Variants in EDEM3 observed in about 807,000 individuals in gnomAD.
EDEM3 encodes ER degradation-enhancing alpha-mannosidase-like protein 3.
Under a neutral mutation model 110.2 loss-of-function variants are expected in EDEM3, and 60 were observed. That is an observed-to-expected ratio of 0.54 (90% CI 0.44 to 0.67). The LOEUF (loss-of-function observed/expected upper bound fraction) is 0.67, where lower values mean the gene tolerates loss of function less well. Ranked by LOEUF, EDEM3 falls within the 30% of genes least tolerant of loss-of-function variation. The pLI, the probability that EDEM3 is intolerant of heterozygous loss-of-function variation, is 0.00. For synonymous variants in EDEM3, 352 were observed against 382.9 expected (o/e 0.92, Z 0.94); for missense variants, 996 against 1,121.0 (o/e 0.89, Z 1.59).
chr1:184,721,721 A>G (rs986733911), intron 8 of EDEM3, among the ~76,000 whole-genome samples: 1 of 151,996 alleles, frequency 6.6e-6, no homozygotes, highest in Admixed American at 6.5e-5. Flanking sequence ...AAAGGAAAAA[A>G]GAACCAAAGT....
chr1:184,714,899 C>T (rs1424725747), intron 13 of EDEM3, among the ~76,000 whole-genome samples: 2 of 152,180 alleles, frequency 1.3e-5, no homozygotes, highest in Non-Finnish European at 2.9e-5. Flanking sequence ...ATCACAAGCT[C>T]ACTGTGAGCT....
intron 2 of EDEM3, 78 bp from the exon 3 acceptor site, chr1:184,737,789 A>G: frequency 7.9e-7 from 1 of 1,258,166 alleles, no homozygotes; most frequent in Non-Finnish European, 1.1e-6. Context: ...ACTTTTTCAC[A>G]GTTAAAAAAT....
At chr1:184,701,635 G>T in intron 19 of EDEM3, 1 of 859,458 alleles carries the variant, frequency 1.2e-6, no homozygotes, top group Non-Finnish European at 1.6e-6. Context: ...TGTTAGATGT[G>T]CCTAAATGCA....
At chr1:184,694,545 G>A in intron 19 of EDEM3, 73 bp from the exon 20 acceptor site, 1 of 1,388,684 alleles carries the variant, frequency 7.2e-7, no homozygotes, top group Non-Finnish European at 9.5e-7. Context: ...AAAGCATATT[G>A]GTTTTTGCAA....
chr1:184,745,704 T>C (rs977129724), intron 2 of EDEM3, among the ~76,000 whole-genome samples: 44 of 152,282 alleles, frequency 2.9e-4, no homozygotes, highest in African/African-American at 1.1e-3. Flanking sequence ...ACTATTCTAC[T>C]GTTGCTTTCA....
At chr1:184,730,336 C>T (rs1651438403) in intron 6 of EDEM3, among the ~76,000 whole-genome samples, 1 of 152,064 alleles carries the variant, frequency 6.6e-6, no homozygotes, top group African/African-American at 2.4e-5. Context: ...GAGTCCAGTA[C>T]TTCAGAAGGC....
intron 6 of EDEM3, among the ~76,000 whole-genome samples, chr1:184,732,174 C>T (rs1651562420): frequency 6.7e-6 from 1 of 150,252 alleles, no homozygotes; most frequent in Non-Finnish European, 1.5e-5. Flanking sequence ...AGACTCCATT[C>T]CCCCCCACCA....
At chr1:184,745,932 A>G (rs1038991934) in intron 2 of EDEM3, among the ~76,000 whole-genome samples, 1 of 152,232 alleles carries the variant, frequency 6.6e-6, no homozygotes, top group African/African-American at 2.4e-5. Context: ...TTTGTCATCT[A>G]AATTAATCTG....
At chr1:184,724,931 C>T (rs921323659) in intron 7 of EDEM3, among the ~76,000 whole-genome samples, 4 of 152,094 alleles carry the variant, frequency 2.6e-5, no homozygotes, top group African/African-American at 9.7e-5. Flanking sequence ...GGACAAGAAC[C>T]AGGTATTTTA....
At chr1:184,742,671 G>A (rs1652208946) in intron 2 of EDEM3, among the ~76,000 whole-genome samples, 2 of 152,300 alleles carry the variant, frequency 1.3e-5, no homozygotes, top group South Asian at 4.1e-4. Context: ...TTACAGGCGT[G>A]AGCCACCATG....
chr1:184,700,033 T>A (rs1056614375), intron 19 of EDEM3, among the ~76,000 whole-genome samples: 1 of 151,974 alleles, frequency 6.6e-6, no homozygotes, highest in Non-Finnish European at 1.5e-5. Flanking sequence ...CACTGAGAGA[T>A]ATGATATTGA....
In EDEM3 at chr1:184,749,644, T is replaced by C. The variant is rs763585937; in HGVS notation, c.159-52A>G. On this transcript the variant is annotated intron_variant, in intron 1 of 19. Transcript: ENST00000318130. Reference sequence around the variant, plus strand: ...AAAAAAAAAAAAAAAGGTAAGTATATTCTATTTATTATCTTTCAAAAAGTT... The same window carrying C: ...AAAAAAAAAAAAAAAGGTAAGTATACTCTATTTATTATCTTTCAAAAAGTT... 17 of 1,342,026 alleles carry C rather than the reference T, an allele frequency of 1.3e-5. No individual in the cohort carries two copies. The South Asian group carries it at 1.3e-4, about 10-fold the overall frequency. 83.1% of individuals were successfully genotyped at this position (1,342,026 alleles called of 1,614,324 possible).
At chr1:184,713,780 T>C (rs1489532136) in intron 13 of EDEM3, among the ~76,000 whole-genome samples, 1 of 152,210 alleles carries the variant, frequency 6.6e-6, no homozygotes, top group Non-Finnish European at 1.5e-5. Context: ...GGGGATATTA[T>C]ATAAGGACTA....
chr1:184,733,885 T>C (rs1651675542), intron 5 of EDEM3, among the ~76,000 whole-genome samples: 1 of 151,470 alleles, frequency 6.6e-6, no homozygotes, highest in Non-Finnish European at 1.5e-5. Flanking sequence ...GGTAATCTTA[T>C]ACATTCAGTT....
rs750985755 is a variant in EDEM3, at chr1:184,726,348, T to A, written c.654A>T (p.Thr218=). The part of the protein sequence containing the change: ...KFGIRKPEAR[T]GTETDTCTAC... ...CTGTACAGGTATCTGTCTCAGTTCC[T>A]GTCCGAGCTTCTGGTTTTCTGATGC... is the stretch of plus-strand genomic sequence containing the variant. The change falls in exon 7 of 20, where the codon ACA becomes ACT. Residue 218 remains threonine (T), a synonymous_variant. Coordinates refer to ENST00000318130, the MANE Select transcript of EDEM3 (RefSeq NM_025191.4). 1 of 1,613,842 alleles carries A rather than the reference T, an allele frequency of 6.2e-7. No individual in the cohort carries two copies. Among genetic ancestry groups the A allele is most frequent in the Non-Finnish European group, 8.5e-7 (1 of 1,179,842 alleles).
chr1:184,697,881 G>A (rs1649408365), intron 19 of EDEM3, among the ~76,000 whole-genome samples: 1 of 151,402 alleles, frequency 6.6e-6, no homozygotes, highest in Non-Finnish European at 1.5e-5. Flanking sequence ...GACATGTTGG[G>A]AAAATTGTGT....
chr1:184,754,833 G>T lies in EDEM3; in HGVS notation c.-187C>A, dbSNP rs1403280379. The stretch of plus-strand genomic sequence containing the variant: ...GGTCCCCAGCGCCAGCGCTGCCACC[G>T]CCCTCCGCCCTCAGTATCCCGGAGC... On this transcript the variant is annotated 5_prime_UTR_variant, in exon 1 of 20. Transcript: ENST00000318130. 10 of 928,590 alleles carry T rather than the reference G, an allele frequency of 1.1e-5. No individual in the cohort carries two copies. Among genetic ancestry groups the T allele is most frequent in the Non-Finnish European group, 1.5e-5 (10 of 659,570 alleles). The allele number at this position is 928,590 out of a possible 1,614,324, so 57.5% of individuals were successfully genotyped here.
In EDEM3 at chr1:184,694,151, C is replaced by G. The variant is rs1571337655; in HGVS notation, c.2711G>C (p.Gly904Ala). 6.2e-7 allele frequency: 1 copy of G among 1,613,274 alleles called. No individual in the cohort carries two copies. Among genetic ancestry groups the G allele is most frequent in the Non-Finnish European group, 8.5e-7 (1 of 1,179,620 alleles). Residue 904 changes from glycine to alanine, a missense_variant, in exon 20 of 20, where the codon GGT becomes GCT. Coordinates refer to ENST00000318130, the MANE Select transcript of EDEM3 (RefSeq NM_025191.4). ...GGAGTCTATAGGCTGGACCTTTTTA[C>G]CCCAGCTAACATTAGGATTGGAATC... The part of the protein sequence containing the change: ...EEDSNPNVSW[G>A]KKVQPIDSIL...
intron 6 of EDEM3, among the ~76,000 whole-genome samples, chr1:184,727,739 T>C (rs1451286491): frequency 6.6e-6 from 1 of 152,204 alleles, no homozygotes; most frequent in Non-Finnish European, 1.5e-5. Context: ...CATTTTCATG[T>C]GCTATTAGTC....
Sources: allele counts gnomAD v4.1 joint callset (sites outside exome capture counted in the v4.1 genomes callset), GRCh38; gene constraint gnomAD v4.1.1; transcripts MANE v1.5; gene names NCBI Gene and HGNC (gene_info 2026-07-23, HGNC 2026-07-21).